DIAPH2: variants seen among roughly 807,000 people sequenced by gnomAD.
DIAPH2 encodes the protein protein diaphanous homolog 2.
In DIAPH2, 35 loss-of-function variants were observed where a neutral mutation model predicts 92.7. The ratio of observed to expected loss-of-function variants is 0.38; its 90% CI spans 0.29 to 0.50. The LOEUF (loss-of-function observed/expected upper bound fraction) is 0.50, where lower values mean the gene tolerates loss of function less well. Ranked by LOEUF, DIAPH2 falls within the 20% of genes least tolerant of loss-of-function variation. The pLI, the probability that DIAPH2 is intolerant of heterozygous loss-of-function variation, is 0.94. For missense variants in DIAPH2, 701 were observed against 819.5 expected (o/e 0.86, Z 1.77); for synonymous variants, 301 against 280.4 (o/e 1.07, Z -0.73).
chrX:97,254,033 T>C (rs2147559459), intron 23 of DIAPH2, among the ~76,000 whole-genome samples: 1 of 112,022 alleles, frequency 8.9e-6, no homozygotes, highest in Non-Finnish European at 1.9e-5. Flanking sequence ...TTGATAGGAT[T>C]CTTGCTGAAG....
rs532394384 is a variant in DIAPH2 at position 97,268,098 on chromosome X, G to C, written c.2844+20259G>C. On this transcript the variant is annotated intron_variant, in intron 23 of 26. Coordinates refer to ENST00000324765, the MANE Select transcript of DIAPH2 (RefSeq NM_006729.5). Reference sequence around the variant, plus strand: ...CCTGGCAATTTACCATAATCAAAGAGCTAGAGCAGAAAATATGCAAGATCT... The same window carrying C: ...CCTGGCAATTTACCATAATCAAAGACCTAGAGCAGAAAATATGCAAGATCT... Among the ~76,000 whole-genome samples, 6 of 112,244 alleles carry C rather than the reference G, an allele frequency of 5.3e-5. No individual in the cohort carries two copies. In the South Asian group the frequency reaches 2.2e-3, roughly 42 times the overall value.
intron 22 of DIAPH2, among the ~76,000 whole-genome samples, chrX:97,159,928 T>G (rs1407991798): frequency 9.0e-6 from 1 of 111,215 alleles, no homozygotes; most frequent in Non-Finnish European, 1.9e-5. Context: ...GACTGCCAGC[T>G]TCATATGCCC....
chrX:97,307,270 G>A (rs965705899), intron 23 of DIAPH2, among the ~76,000 whole-genome samples: 4 of 111,968 alleles, frequency 3.6e-5, no homozygotes, highest in Non-Finnish European at 7.5e-5. Context: ...AATGAAATGA[G>A]CATTTATGCA....
At chrX:97,224,210 A>T (rs1438861733) in intron 22 of DIAPH2, among the ~76,000 whole-genome samples, 2 of 112,126 alleles carry the variant, frequency 1.8e-5, no homozygotes, top group Non-Finnish European at 3.8e-5. Flanking sequence ...AACTATTATC[A>T]GGTCACTTAG....
At chrX:97,467,812 G>A (rs143616268) in intron 26 of DIAPH2, among the ~76,000 whole-genome samples, 1,510 of 111,844 alleles carry the variant, frequency 0.014, 26 homozygotes, top group African/African-American at 0.046. Flanking sequence ...CTGGAACAAT[G>A]TGATTTGGGC....
At chrX:96,906,269 T>C (rs1362967116) in intron 5 of DIAPH2, among the ~76,000 whole-genome samples, 5 of 112,897 alleles carry the variant, frequency 4.4e-5, no homozygotes, top group African/African-American at 1.6e-4. Flanking sequence ...CCCAGTCTTA[T>C]TTTTAAACAA....
At chrX:97,233,410 A>G (rs1316884565) in intron 22 of DIAPH2, among the ~76,000 whole-genome samples, 4 of 112,286 alleles carry the variant, frequency 3.6e-5, no homozygotes, top group African/African-American at 1.3e-4. Context: ...AACTGGCATA[A>G]TAACAAGATA....
chrX:96,950,553 A>G (rs2065767988), intron 15 of DIAPH2, among the ~76,000 whole-genome samples: 1 of 111,044 alleles, frequency 9.0e-6, no homozygotes, highest in African/African-American at 3.3e-5. Flanking sequence ...CTCATACTAC[A>G]CCTCTTCGCA....
intron 4 of DIAPH2, among the ~76,000 whole-genome samples, chrX:96,861,638 A>C (rs2147724755): frequency 9.0e-6 from 1 of 111,676 alleles, no homozygotes; most frequent in East Asian, 2.8e-4. Context: ...AGCTTACAAA[A>C]ATCCTCAGTG....
intron 1 of DIAPH2, among the ~76,000 whole-genome samples, chrX:96,688,430 G>A (rs775558642): frequency 1.9e-3 from 216 of 111,943 alleles, no homozygotes; most frequent in Middle Eastern, 4.6e-3. Context: ...TGCCTCCTGG[G>A]TGCAAGCGAT....
chrX:96,864,993 A>G (rs1172590246), intron 4 of DIAPH2, among the ~76,000 whole-genome samples: 1 of 112,203 alleles, frequency 8.9e-6, no homozygotes, highest in Non-Finnish European at 1.9e-5. Context: ...AAGAGCTCTA[A>G]TATTCAGAAC....
intron 17 of DIAPH2, among the ~76,000 whole-genome samples, chrX:97,003,809 T>A (rs1459924670): frequency 8.9e-6 from 1 of 112,073 alleles, no homozygotes; most frequent in African/African-American, 3.2e-5. Context: ...TTTAACTTGA[T>A]GTGATCCTTT....
At chrX:97,160,843 T>C (rs766287533) in intron 22 of DIAPH2, among the ~76,000 whole-genome samples, 60 of 111,522 alleles carry the variant, frequency 5.4e-4, no homozygotes, top group Non-Finnish European at 1.0e-3. Context: ...CACAGAGAGA[T>C]ACCATATACC....
At chrX:96,872,259 C>A (rs1260066139) in intron 4 of DIAPH2, among the ~76,000 whole-genome samples, 1 of 110,895 alleles carries the variant, frequency 9.0e-6, no homozygotes, top group Non-Finnish European at 1.9e-5. Flanking sequence ...CCCTCCCCAC[C>A]CACTTCCCAG....
At chrX:97,002,488 C>T (rs2066151594) in intron 17 of DIAPH2, among the ~76,000 whole-genome samples, 1 of 111,139 alleles carries the variant, frequency 9.0e-6, no homozygotes, top group Admixed American at 9.6e-5. Context: ...TCATAGAAGA[C>T]TTTAGTTGTT....
intron 7 of DIAPH2, among the ~76,000 whole-genome samples, chrX:96,915,275 C>A (rs1390269994): frequency 9.0e-6 from 1 of 110,775 alleles, no homozygotes; most frequent in Non-Finnish European, 1.9e-5. Context: ...TTGGTAATTG[C>A]GTGGTCATTG....
chrX:96,758,475 CAA>C (rs947166079), intron 4 of DIAPH2, among the ~76,000 whole-genome samples: 1 of 111,615 alleles, frequency 9.0e-6, no homozygotes, highest in African/African-American at 3.2e-5. Context: ...ACAAGCAAGA[CAA>C]AGGATACAAA....
In DIAPH2 at chrX:97,599,385, G is replaced by T. The variant is rs757827318; in HGVS notation, c.*68G>T. On this transcript the variant is annotated 3_prime_UTR_variant, in exon 27 of 27. Coordinates refer to ENST00000324765, the MANE Select transcript of DIAPH2 (RefSeq NM_006729.5). ...AATGATGCATTTTGAGAAGAACAAA[G>T]TGTGCACTCAGCGGCTGGAAAGGAA... 41 of 772,860 alleles carry T rather than the reference G, an allele frequency of 5.3e-5. No individual in the cohort carries two copies. The African/African-American group carries it at 8.2e-4, about 15-fold the overall frequency. 63.7% of individuals were successfully genotyped at this position (772,860 alleles called of 1,213,427 possible).
intron 26 of DIAPH2, among the ~76,000 whole-genome samples, chrX:97,469,480 C>T (rs41304062): frequency 0.011 from 1,174 of 111,318 alleles, 8 homozygotes; most frequent in Middle Eastern, 0.028. Context: ...TTTATCATGA[C>T]CTGCATGATA....
Sources: gnomAD v4.1 joint callset for allele counts (sites outside exome capture counted in the v4.1 genomes callset) on GRCh38, gnomAD v4.1.1 for gene constraint, MANE v1.5 for transcripts, NCBI Gene and HGNC (gene_info 2026-07-23, HGNC 2026-07-21) for gene names.